Variants in RSL24D1 observed in about 807,000 individuals in gnomAD.
RSL24D1 encodes the protein probable ribosome biogenesis protein RLP24.
In RSL24D1, 6 loss-of-function variants were observed where a neutral mutation model predicts 26.2. The ratio of observed to expected loss-of-function variants is 0.23; its 90% CI spans 0.13 to 0.45. RSL24D1 has a LOEUF of 0.45. Ranked by LOEUF, RSL24D1 falls within the 20% of genes least tolerant of loss-of-function variation. RSL24D1 has a pLI of 0.99. For missense variants in RSL24D1, 176 were observed against 202.6 expected, an observed-to-expected ratio of 0.87 and a Z score of 0.80; for synonymous variants, 61 against 59.1, an observed-to-expected ratio of 1.03 and a Z score of -0.15.
intron 3 of RSL24D1, among the ~76,000 whole-genome samples, chr15:55,189,682 C>A: frequency 6.6e-6 from 1 of 152,094 alleles, no homozygotes; most frequent in Admixed American, 6.5e-5. Flanking sequence ...AATTCTTCTT[C>A]CAATGTGGCC....
chr15:55,189,968 C>T (rs1894274766), intron 3 of RSL24D1, among the ~76,000 whole-genome samples: 1 of 152,276 alleles, frequency 6.6e-6, no homozygotes, highest in African/African-American at 2.4e-5. Context: ...CGGGCCGGTG[C>T]CAGGCATGGT....
At chr15:55,185,466 A>G (rs776905335) in intron 3 of RSL24D1, 41 bp from the exon 4 acceptor site, 12 of 1,414,472 alleles carry the variant, frequency 8.5e-6, no homozygotes, top group Non-Finnish European at 1.2e-5. Context: ...ATGCACATTC[A>G]AGCGGTATGA....
intron 3 of RSL24D1, 82 bp from the exon 4 acceptor site, chr15:55,185,507 T>C (rs769259337): frequency 1.9e-4 from 174 of 907,198 alleles, no homozygotes; most frequent in Non-Finnish European, 2.4e-4. Context: ...CACTTCTTTA[T>C]TATTCTGATT....
chr15:55,196,350 C>T (rs753999721), intron 1 of RSL24D1: 26 of 457,362 alleles, frequency 5.7e-5, no homozygotes, highest in South Asian at 3.9e-4. Flanking sequence ...CTCCCCAACT[C>T]ACCTGCAGTA....
chr15:55,191,640 C>G (rs951905366), intron 2 of RSL24D1, among the ~76,000 whole-genome samples: 5 of 152,224 alleles, frequency 3.3e-5, no homozygotes, highest in African/African-American at 1.2e-4. Context: ...GTTACCGTTG[C>G]TAGTGGCTGG....
intron 4 of RSL24D1, among the ~76,000 whole-genome samples, chr15:55,184,552 T>A (rs544057296): frequency 6.6e-6 from 1 of 152,328 alleles, no homozygotes; most frequent in East Asian, 1.9e-4. Context: ...TAGTAGTAAC[T>A]GATTCAGGCA....
At chr15:55,185,498 A>C in intron 3 of RSL24D1, 73 bp from the exon 4 acceptor site, 1 of 985,236 alleles carries the variant, frequency 1.0e-6, no homozygotes, top group Non-Finnish European at 1.5e-6. Flanking sequence ...ATTAACAAAC[A>C]CTTCTTTATT....
At chr15:55,189,340 A>G (rs1369931362) in intron 3 of RSL24D1, among the ~76,000 whole-genome samples, 1 of 152,188 alleles carries the variant, frequency 6.6e-6, no homozygotes, top group African/African-American at 2.4e-5. Flanking sequence ...TTACCAAATA[A>G]ACCCAATAAA....
intron 3 of RSL24D1, among the ~76,000 whole-genome samples, chr15:55,190,280 G>A (rs1206940595): frequency 1.0e-4 from 14 of 140,136 alleles, no homozygotes; most frequent in Admixed American, 9.9e-4. Flanking sequence ...AAAAGGCAAG[G>A]CCAAGGGTCC....
rs1358276054 is a variant in RSL24D1, at chr15:55,181,090, C to G, written c.*1062G>C. 6.6e-6 allele frequency: 1 copy of G among 152,080 alleles called. No homozygotes were observed. The highest frequency in any genetic ancestry group is 1.5e-5 in the Non-Finnish European group (1 of 67,996). 9.4% of individuals were successfully genotyped at this position (152,080 alleles called of 1,614,324 possible). On this transcript the variant is annotated 3_prime_UTR_variant, in exon 6 of 6. Coordinates refer to ENST00000260443, the MANE Select transcript of RSL24D1 (RefSeq NM_016304.3). The stretch of plus-strand genomic sequence containing the variant: ...GGCTAAGAATTACTGATTTTAAACT[C>G]TACCCTAAAAAAACCATTATGCAAA...
rs756376298 is a variant in RSL24D1 at position 55,182,213 on chromosome 15, T to C, written c.431A>G (p.Gln144Arg). 1 of 1,602,384 alleles carries C rather than the reference T, an allele frequency of 6.2e-7. No homozygotes were observed. The highest frequency in any genetic ancestry group is 1.1e-5 in the South Asian group (1 of 90,690). ...IRAPLAGKGK[Q>R]LEEKMVQQLQ... ...CTGCTGTACCATTTTCTCTTCCAAC[T>C]GTTTCCCTTTGCCTTTAATAAAAAT... Residue 144 changes from glutamine to arginine, a missense_variant, in exon 6 of 6, where the codon CAG becomes CGG. Physicochemically the swap from Gln to Arg is conservative, Grantham distance 43. This residue lies in a region of RSL24D1 where 43 missense variants were observed against 38.7 expected (regional missense o/e 1.11). Coordinates refer to ENST00000260443, the MANE Select transcript of RSL24D1 (RefSeq NM_016304.3).
At chr15:55,188,808 A>G (rs1894251853) in intron 3 of RSL24D1, among the ~76,000 whole-genome samples, 1 of 152,224 alleles carries the variant, frequency 6.6e-6, no homozygotes, top group African/African-American at 2.4e-5. Context: ...TAGTTACAAA[A>G]TATGTAAAAA....
chr15:55,192,907 C>A (rs1402478914), intron 1 of RSL24D1, 74 bp from the exon 2 acceptor site: 16 of 891,172 alleles, frequency 1.8e-5, no homozygotes, highest in Admixed American at 4.2e-5. Flanking sequence ...CCCTGCTAGA[C>A]AAAAAATACT....
At chr15:55,192,611 T>C (rs1894309846) in intron 2 of RSL24D1, 109 bp downstream of exon 2, 3 of 676,802 alleles carry the variant, frequency 4.4e-6, no homozygotes, top group South Asian at 3.9e-5. Flanking sequence ...AAGGTACTTA[T>C]TAATCATGTT....
At chr15:55,196,648 C>A in intron 1 of RSL24D1, 162 bp downstream of exon 1, 1 of 648,464 alleles carries the variant, frequency 1.5e-6, no homozygotes. Context: ...ACCCCCGAAG[C>A]GGAACGTTGA....
rs1358276054 is a variant in RSL24D1, at chr15:55,181,090, C to T, written c.*1062G>A. The stretch of plus-strand genomic sequence containing the variant: ...GGCTAAGAATTACTGATTTTAAACT[C>T]TACCCTAAAAAAACCATTATGCAAA... On this transcript the variant is annotated 3_prime_UTR_variant, in exon 6 of 6. Transcript: ENST00000260443. 2 of 152,198 alleles carry T rather than the reference C, an allele frequency of 1.3e-5. No individual in the cohort carries two copies. The highest frequency in any genetic ancestry group is 2.9e-5 in the Non-Finnish European group (2 of 67,988). 9.4% of individuals were successfully genotyped at this position (152,198 alleles called of 1,614,324 possible). A position where few individuals can be genotyped will look rare whatever the true frequency, so the allele number is the denominator to read the frequency against.
intron 3 of RSL24D1, among the ~76,000 whole-genome samples, chr15:55,190,035 G>A (rs1172384281): frequency 3.3e-5 from 5 of 152,100 alleles, no homozygotes; most frequent in African/African-American, 1.2e-4. Context: ...ATCACTTGAG[G>A]TCAGGAGTTC....
chr15:55,192,620 T>G, intron 2 of RSL24D1, 100 bp downstream of exon 2: 1 of 763,398 alleles, frequency 1.3e-6, no homozygotes, highest in Non-Finnish European at 2.3e-6. Flanking sequence ...ATTAATCATG[T>G]TATAGGAGGC....
At chr15:55,189,455 T>C (rs1377693536) in intron 3 of RSL24D1, among the ~76,000 whole-genome samples, 1 of 152,172 alleles carries the variant, frequency 6.6e-6, no homozygotes, top group Non-Finnish European at 1.5e-5. Flanking sequence ...GGTACAATAA[T>C]TAGGGCTAAG....
Sources: allele counts gnomAD v4.1 joint callset (sites outside exome capture counted in the v4.1 genomes callset), GRCh38; gene constraint gnomAD v4.1.1; regional missense constraint gnomAD v4.1.1; transcripts MANE v1.5; gene names NCBI Gene and HGNC (gene_info 2026-07-23, HGNC 2026-07-21).